TRPC1: variants seen among roughly 807,000 people sequenced by gnomAD.
TRPC1 encodes short transient receptor potential channel 1.
In TRPC1, 42 loss-of-function variants were observed where a neutral mutation model predicts 88.2. The observed-to-expected ratio is 0.48, with a 90% CI of 0.37 to 0.62. TRPC1 has a LOEUF of 0.62. TRPC1 is among the 20% of genes least tolerant of loss of function. The probability of loss-of-function intolerance (pLI) is 0.00; values close to 1 mark genes in which losing one functional copy is unlikely to be tolerated. For missense variants in TRPC1, 699 were observed against 957.3 expected (o/e 0.73, Z 3.56); for synonymous variants, 288 against 331.8 (o/e 0.87, Z 1.43).
chr3:142,753,017 CG>C (rs1391132430), intron 4 of TRPC1, among the ~76,000 whole-genome samples: 3 of 152,122 alleles, frequency 2.0e-5, no homozygotes, highest in Admixed American at 2.0e-4. Context: ...GAGTCTCTTA[CG>C]TCTTTCCTTT....
chr3:142,796,955 T>C (rs1936471367), intron 9 of TRPC1, among the ~76,000 whole-genome samples: 1 of 152,148 alleles, frequency 6.6e-6, no homozygotes, highest in Non-Finnish European at 1.5e-5. Flanking sequence ...TAAGGTTTAT[T>C]ATGATTGTCA....
At chr3:142,761,196 C>T (rs1935172639) in intron 4 of TRPC1, among the ~76,000 whole-genome samples, 1 of 151,860 alleles carries the variant, frequency 6.6e-6, no homozygotes, top group Admixed American at 6.6e-5. Flanking sequence ...TCAATTTTTC[C>T]CTGTTGGCTT....
chr3:142,773,607 G>A (rs1935656637), intron 4 of TRPC1, among the ~76,000 whole-genome samples: 2 of 144,500 alleles, frequency 1.4e-5, no homozygotes, highest in African/African-American at 2.6e-5. Context: ...CCTTTAGGGG[G>A]TATGGGTCAT....
intron 1 of TRPC1, among the ~76,000 whole-genome samples, chr3:142,726,267 G>A (rs1476528876): frequency 6.6e-6 from 1 of 152,164 alleles, no homozygotes; most frequent in East Asian, 1.9e-4. Context: ...TGATATTCCT[G>A]TCAAACTGAG....
intron 1 of TRPC1, among the ~76,000 whole-genome samples, chr3:142,730,145 T>C (rs1186192458): frequency 6.6e-6 from 1 of 152,140 alleles, no homozygotes; most frequent in Non-Finnish European, 1.5e-5. Context: ...TTTAAACAAC[T>C]TACAGCAGCA....
chr3:142,736,606 G>T, intron 2 of TRPC1, 73 bp downstream of exon 2: 5 of 1,288,212 alleles, frequency 3.9e-6, no homozygotes, highest in East Asian at 2.7e-5. Flanking sequence ...TTCCCTTCTT[G>T]TTTTCTTTCT....
chr3:142,732,284 G>C (rs1273632683), intron 1 of TRPC1, among the ~76,000 whole-genome samples: 4 of 152,050 alleles, frequency 2.6e-5, no homozygotes, highest in African/African-American at 9.7e-5. Flanking sequence ...TGAGAGATAG[G>C]GGCCCTGTCT....
At chr3:142,736,599 CCTT>C in intron 2 of TRPC1, 66 bp downstream of exon 2, 1 of 1,330,166 alleles carries the variant, frequency 7.5e-7, no homozygotes, top group African/African-American at 1.5e-5. Context: ...TGCTTTCTTC[CCTT>C]CTTGTTTTCT....
chr3:142,793,900 G>A, intron 9 of TRPC1: 1 of 985,226 alleles, frequency 1.0e-6, no homozygotes, highest in Admixed American at 6.2e-5. Flanking sequence ...CTGTCATCCA[G>A]CAACAGTGTT....
At chr3:142,736,306 T>C (rs1362993209) in intron 1 of TRPC1, 73 bp from the exon 2 acceptor site, 15 of 1,186,722 alleles carry the variant, frequency 1.3e-5, no homozygotes, top group Middle Eastern at 2.1e-4. Flanking sequence ...TTCAACAAGC[T>C]AAGTTTTTCT....
chr3:142,729,227 T>C (rs974389964), intron 1 of TRPC1, among the ~76,000 whole-genome samples: 1 of 152,232 alleles, frequency 6.6e-6, no homozygotes, highest in African/African-American at 2.4e-5. Flanking sequence ...AGTTCTATGA[T>C]ACTGGTAATT....
chr3:142,761,219 A>G (rs190720725), intron 4 of TRPC1, among the ~76,000 whole-genome samples: 1 of 152,054 alleles, frequency 6.6e-6, no homozygotes, highest in Non-Finnish European at 1.5e-5. Context: ...ATTATTTTGA[A>G]GTATGTCCCT....
chr3:142,749,038 T>G (rs1237397666), intron 4 of TRPC1, among the ~76,000 whole-genome samples: 4 of 152,190 alleles, frequency 2.6e-5, no homozygotes, highest in Non-Finnish European at 1.5e-5. Context: ...GGACTAGATT[T>G]GAGAATCTGA....
At chr3:142,727,142 TTGTA>T (rs1489155850) in intron 1 of TRPC1, among the ~76,000 whole-genome samples, 2 of 152,218 alleles carry the variant, frequency 1.3e-5, no homozygotes, top group Non-Finnish European at 2.9e-5. Flanking sequence ...TACATTTTCT[TTGTA>T]TGGATGCTTT....
chr3:142,784,755 C>T lies in TRPC1; in HGVS notation c.1012C>T (p.Gln338Ter). 6.2e-7 allele frequency: 1 copy of T among 1,614,020 alleles called. No homozygotes were observed. The highest frequency in any genetic ancestry group is 2.2e-5 in the East Asian group (1 of 44,860). ...GTTCCTGAACACTGTTTGGTTTGGA[C>T]AGATGTCGGGTTACCGACGCAAGCC... ...QQFLNTVWFGQMSGYRRKPTC... is the reference protein window; with the variant it reads ...QQFLNTVWFG The change falls in exon 7 of 13, where the codon CAG becomes TAG. Residue 338 changes from glutamine (Q) to a stop codon, truncating the protein, a stop_gained. Transcript: ENST00000476941. LOFTEE classifies it high-confidence loss of function.
At chr3:142,793,098 TAGA>T in intron 9 of TRPC1, 131 bp downstream of exon 9, 3 of 749,540 alleles carry the variant, frequency 4.0e-6, no homozygotes, top group South Asian at 5.6e-5. Context: ...AAGTAGCAAT[TAGA>T]AGGACACAGC....
At chr3:142,768,141 C>G (rs1039710834) in intron 4 of TRPC1, among the ~76,000 whole-genome samples, 1 of 152,006 alleles carries the variant, frequency 6.6e-6, no homozygotes, top group African/African-American at 2.4e-5. Context: ...GTTCTATGTA[C>G]TCTTGAAATA....
intron 4 of TRPC1, among the ~76,000 whole-genome samples, chr3:142,771,202 G>C (rs971037730): frequency 6.6e-6 from 1 of 152,154 alleles, no homozygotes; most frequent in African/African-American, 2.4e-5. Context: ...CATGAGGTTT[G>C]GAGGGAACAA....
chr3:142,790,833 A>G (rs1936273016), intron 7 of TRPC1, among the ~76,000 whole-genome samples, 186 bp from the exon 8 acceptor site: 2 of 152,030 alleles, frequency 1.3e-5, no homozygotes, highest in Admixed American at 6.6e-5. Flanking sequence ...TTCAAGTCGT[A>G]TGAAAGTTAA....
Sources: gnomAD v4.1 joint callset for allele counts (sites outside exome capture counted in the v4.1 genomes callset) on GRCh38, gnomAD v4.1.1 for gene constraint, MANE v1.5 for transcripts, NCBI Gene and HGNC (gene_info 2026-07-23, HGNC 2026-07-21) for gene names.